The following KIAA1217 variants were observed in gnomAD, a reference collection of about 807,000 sequenced individuals.
KIAA1217 encodes KIAA1217, also known as sickle tail protein homolog.
A neutral mutation model predicts 163.9 loss-of-function variants in KIAA1217; 88 were observed. The observed-to-expected ratio is 0.54, with a 90% confidence interval of 0.45 to 0.64. The LOEUF (loss-of-function observed/expected upper bound fraction) is 0.64. Ranked by LOEUF, KIAA1217 falls within the 30% of genes least tolerant of loss-of-function variation. KIAA1217 has a pLI of 0.00. For missense variants in KIAA1217, 2,372 were observed against 2,475.0 expected (o/e 0.96, Z 0.88); for synonymous variants, 903 against 923.1 (o/e 0.98, Z 0.39).
chr10:24,321,894 C>T (rs1393017230), intron 2 of KIAA1217, among the ~76,000 whole-genome samples: 3 of 152,044 alleles, frequency 2.0e-5, no homozygotes. Flanking sequence ...GAACCGGACG[C>T]TCAAAAATGG....
At chr10:24,524,246 G>C in intron 12 of KIAA1217, 77 bp from the exon 13 acceptor site, 1 of 1,471,192 alleles carries the variant, frequency 6.8e-7, no homozygotes, top group Non-Finnish European at 9.3e-7. Flanking sequence ...CCTGGCTTTG[G>C]GATGACATAG....
chr10:24,123,135 T>TGTGC (rs1491335626), intron 2 of KIAA1217, among the ~76,000 whole-genome samples: 4 of 15,802 alleles, frequency 2.5e-4, no homozygotes, highest in African/African-American at 1.1e-3. Context: ...ACTGTGTGTT[T>TGTGC]GTGTGTGTGT....
intron 5 of KIAA1217, among the ~76,000 whole-genome samples, chr10:24,463,802 A>G (rs1313757414): frequency 6.6e-6 from 1 of 152,248 alleles, no homozygotes; most frequent in African/African-American, 2.4e-5. Context: ...CTGACTCAGA[A>G]AGAATACATT....
intron 1 of KIAA1217, among the ~76,000 whole-genome samples, chr10:23,855,250 A>G (rs973303293): frequency 1.3e-5 from 2 of 152,098 alleles, no homozygotes; most frequent in African/African-American, 4.8e-5. Flanking sequence ...TCTGTAAAGT[A>G]TTTTATTTCT....
rs148213371 is a variant in KIAA1217 at position 24,525,231 on chromosome 10, G to T, written c.2898+467G>T. Among the ~76,000 whole-genome samples, 542 of 152,260 alleles carry T rather than the reference G, an allele frequency of 3.6e-3. 8 individuals are homozygous for T. The highest frequency in any genetic ancestry group is 0.022 in the Admixed American group (339 of 15,292). ...GAAATGTAACAATCAGCTCTCCTGG[G>T]CCAGGACAAGCCGGCTTCAAGCACT... is the stretch of plus-strand genomic sequence containing the variant. On this transcript the variant is annotated intron_variant, in intron 13 of 20. Transcript: ENST00000376454.
intron 2 of KIAA1217, among the ~76,000 whole-genome samples, chr10:24,104,087 T>G (rs2062526714): frequency 2.6e-5 from 4 of 152,170 alleles, no homozygotes; most frequent in Admixed American, 2.6e-4. Context: ...CTATAGCCAC[T>G]TTGGAAGGCA....
At chr10:24,504,523 C>T (rs1252040209) in intron 9 of KIAA1217, among the ~76,000 whole-genome samples, 1 of 152,196 alleles carries the variant, frequency 6.6e-6, no homozygotes, top group Non-Finnish European at 1.5e-5. Context: ...TCTCCTTCAA[C>T]ATGTGCGGTA....
intron 1 of KIAA1217, among the ~76,000 whole-genome samples, chr10:23,797,930 A>G (rs181834407): frequency 1.5e-4 from 23 of 152,328 alleles, no homozygotes; most frequent in Admixed American, 8.5e-4. Context: ...CTAGAAGGAG[A>G]TTTAAACTTG....
At chr10:24,510,850 G>C (rs577011496) in intron 9 of KIAA1217, among the ~76,000 whole-genome samples, 11 of 152,326 alleles carry the variant, frequency 7.2e-5, no homozygotes, top group African/African-American at 2.6e-4. Context: ...ATGGGTCACA[G>C]CAGGTTTCAA....
At chr10:24,234,674 A>AG (rs1461677620) in intron 2 of KIAA1217, among the ~76,000 whole-genome samples, 1 of 151,266 alleles carries the variant, frequency 6.6e-6, no homozygotes, top group African/African-American at 2.4e-5. Context: ...AAAAAAAAAA[A>AG]AAAAAGAAAC....
At chr10:24,328,632 T>C (rs1259106989) in intron 2 of KIAA1217, among the ~76,000 whole-genome samples, 2 of 152,246 alleles carry the variant, frequency 1.3e-5, no homozygotes, top group East Asian at 3.9e-4. Flanking sequence ...TGATATATTG[T>C]TTTCAAATTT....
intron 1 of KIAA1217, among the ~76,000 whole-genome samples, chr10:23,936,393 G>T (rs1229040210): frequency 1.3e-5 from 2 of 152,184 alleles, no homozygotes; most frequent in African/African-American, 2.4e-5. Flanking sequence ...GATATGTCTA[G>T]GTTCCAGCCC....
At chr10:23,808,091 A>C (rs1459290001) in intron 1 of KIAA1217, among the ~76,000 whole-genome samples, 1 of 152,242 alleles carries the variant, frequency 6.6e-6, no homozygotes, top group Non-Finnish European at 1.5e-5. Context: ...TGCAGATGTA[A>C]GGTCTGGATT....
At chr10:24,484,241 A>ATATATATATATATATATTTTTTTTTTT (rs1376083298) in intron 6 of KIAA1217, among the ~76,000 whole-genome samples, 1 of 75,154 alleles carries the variant, frequency 1.3e-5, no homozygotes, top group Non-Finnish European at 2.5e-5. Flanking sequence ...ATATATATAT[A>ATATATATATATATATATTTTTTTTTTT]TTTTTTTTTT....
chr10:24,294,187 C>CAA (rs371110913), intron 2 of KIAA1217, among the ~76,000 whole-genome samples: 43,280 of 55,030 alleles, frequency 0.79, 18,740 homozygotes, highest in Non-Finnish European at 0.85. Context: ...GACTCCGTCT[C>CAA]AAAAAAAAAA....
At chr10:24,282,033 G>A (rs1298372277) in intron 2 of KIAA1217, among the ~76,000 whole-genome samples, 1 of 151,780 alleles carries the variant, frequency 6.6e-6, no homozygotes, top group African/African-American at 2.4e-5. Context: ...CTCCAGCCTG[G>A]GTGACAGAGC....
At chr10:24,183,207 A>C (rs888474700) in intron 2 of KIAA1217, among the ~76,000 whole-genome samples, 2 of 152,222 alleles carry the variant, frequency 1.3e-5, no homozygotes, top group Admixed American at 1.3e-4. Flanking sequence ...ATACCCTTGA[A>C]CTTCCCAGAC....
chr10:24,423,019 C>G (rs1461627318), intron 3 of KIAA1217, among the ~76,000 whole-genome samples: 3 of 150,344 alleles, frequency 2.0e-5, no homozygotes, highest in Non-Finnish European at 4.4e-5. Context: ...ATTCTCCCAC[C>G]TAAGCCTCCA....
At chr10:24,545,480 T>G (rs1161971180) in intron 20 of KIAA1217, 2 of 1,279,728 alleles carry the variant, frequency 1.6e-6, no homozygotes. Flanking sequence ...TTGACTGTAT[T>G]GTGTTAGAAG....
Sources: allele counts gnomAD v4.1 joint callset (sites outside exome capture counted in the v4.1 genomes callset), GRCh38; gene constraint gnomAD v4.1.1; transcripts MANE v1.5; gene names NCBI Gene and HGNC (gene_info 2026-07-23, HGNC 2026-07-21).